Variants in SCN4A observed in about 807,000 individuals in gnomAD.
The protein encoded by SCN4A is sodium voltage-gated channel alpha subunit 4.
Under a neutral mutation model 162.0 loss-of-function variants are expected in SCN4A, and 83 were observed. The observed-to-expected ratio is 0.51, with a 90% CI of 0.43 to 0.61. The LOEUF is 0.61. SCN4A is among the 20% of genes least tolerant of loss of function. The pLI, the probability that SCN4A is intolerant of heterozygous loss-of-function variation, is 0.00. For synonymous variants in SCN4A, 944 were observed against 985.1 expected, an observed-to-expected ratio of 0.96 and a Z score of 0.78; for missense variants, 2,196 against 2,462.5, an observed-to-expected ratio of 0.89 and a Z score of 2.29.
At chr17:63,946,635 G>C (rs1468321680) in intron 18 of SCN4A, among the ~76,000 whole-genome samples, 1 of 152,082 alleles carries the variant, frequency 6.6e-6, no homozygotes, top group Non-Finnish European at 1.5e-5. Context: ...CAGGCACCTT[G>C]TTTCAAAGCC....
intron 8 of SCN4A, 49 bp downstream of exon 8, chr17:63,966,053 G>T: frequency 7.0e-7 from 1 of 1,434,680 alleles, no homozygotes; most frequent in Non-Finnish European, 9.6e-7. Flanking sequence ...CTGCAGGGAT[G>T]GAGGGGGAGT....
intron 13 of SCN4A, among the ~76,000 whole-genome samples, chr17:63,953,689 A>G (rs1296384891): frequency 6.6e-6 from 1 of 151,780 alleles, no homozygotes; most frequent in East Asian, 1.9e-4. Flanking sequence ...CTTGAAGAAA[A>G]AAAAAAAAAG....
At position 63,940,988 on chromosome 17, in the gene SCN4A, G is replaced by T. The variant is rs748434431; in HGVS notation, c.5294C>A (p.Ala1765Asp). The part of the protein sequence containing the change: ...RHSHDGSGDD[A>D]PEKEGLLANT... The stretch of plus-strand genomic sequence containing the variant: ...GGCAAGCAGCCCCTCCTTCTCAGGG[G>T]CGTCATCCCCGCTGCCGTCGTGGCT... Residue 1765 changes from alanine (A) to aspartate (D), a missense_variant, in exon 24 of 24, where the codon GCC becomes GAC. By Grantham distance (126) the Ala-to-Asp change is moderately radical. Coordinates refer to ENST00000435607, the MANE Select transcript of SCN4A (RefSeq NM_000334.4). 1.2e-6 allele frequency: 2 copies of T among 1,613,222 alleles called. No homozygotes were observed. The highest frequency in any genetic ancestry group is 1.7e-6 in the Non-Finnish European group (2 of 1,179,210).
At chr17:63,954,088 G>A (rs763363437) in intron 13 of SCN4A, among the ~76,000 whole-genome samples, 1 of 152,140 alleles carries the variant, frequency 6.6e-6, no homozygotes, top group Non-Finnish European at 1.5e-5. Context: ...ATGGGGAATT[G>A]GGGAGCCTGC....
At position 63,959,242 on chromosome 17, in the gene SCN4A, C is replaced by A. The variant is rs1453380275; in HGVS notation, c.2019+23G>T. 3 of 1,597,954 alleles carry A rather than the reference C, an allele frequency of 1.9e-6. No individual in the cohort carries two copies. In the African/African-American group the frequency reaches 4.0e-5, roughly 21 times the overall value. On this transcript the variant is annotated intron_variant, in intron 12 of 23. Coordinates refer to ENST00000435607, the MANE Select transcript of SCN4A (RefSeq NM_000334.4). ...CCTCACCCCACCCCCATCCCAGCCC[C>A]TGGCCCTGGGGCTTTTGTGTACCAG...
Position 63,951,976 on chromosome 17 carries a change from G to T in SCN4A, c.2377-76C>A, listed in dbSNP as rs894447305. On this transcript the variant is annotated intron_variant, in intron 13 of 23. Coordinates refer to ENST00000435607, the MANE Select transcript of SCN4A (RefSeq NM_000334.4). The surrounding 1 kb of genome is among the most constrained non-coding windows in gnomAD (Gnocchi z 4.5). ...GGTGCCACCTTCAGCCAGCACAGGG[G>T]TCCTCGGTCTACAGATCCAAACTAC... 20 of 867,246 alleles carry T rather than the reference G, an allele frequency of 2.3e-5. No individual in the cohort carries two copies. In the African/African-American group the frequency reaches 3.2e-4, roughly 14 times the overall value. 53.7% of individuals were successfully genotyped at this position (867,246 alleles called of 1,614,324 possible). A position where few individuals can be genotyped will look rare whatever the true frequency, so the allele number is the denominator to read the frequency against.
chr17:63,942,116 C>G lies in SCN4A; in HGVS notation c.4289-123G>C. 4 of 944,490 alleles carry G rather than the reference C, an allele frequency of 4.2e-6. No homozygotes were observed. The South Asian group carries it at 7.6e-5, about 18-fold the overall frequency. 58.5% of individuals were successfully genotyped at this position (944,490 alleles called of 1,614,324 possible). A position where few individuals can be genotyped will look rare whatever the true frequency, so the allele number is the denominator to read the frequency against. ...TCTGCTCAAGTCTCAGAGCACAGCC[C>G]AGATGACTGACAGGTGAGGCTGGGC... On this transcript the variant is annotated intron_variant, in intron 23 of 23. Transcript: ENST00000435607.
chr17:63,940,909 G>T lies in SCN4A; in HGVS notation c.5373C>A (p.Ser1791Arg). Residue 1791 changes from serine to arginine, a missense_variant, in exon 24 of 24, where the codon AGC (serine) becomes AGA (arginine). Physicochemically the swap from Ser to Arg is moderately radical, Grantham distance 110. Transcript: ENST00000435607. ...CCCCTGCCTCGCCCTTCTCCTCCGG[G>T]CTTGGCGAGCTGCTGTTCCCATTCT... ...GHENGNSSSP[S>R]PEEKGEAGDA... 1 of 1,613,958 alleles carries T rather than the reference G, an allele frequency of 6.2e-7. No individual in the cohort carries two copies. The highest frequency in any genetic ancestry group is 8.5e-7 in the Non-Finnish European group (1 of 1,179,876).
At position 63,940,488 on chromosome 17, in the gene SCN4A, G is replaced by A. The variant is rs746604717; in HGVS notation, c.*283C>T. ...CCTCCCCCAGGCCAAAAGGAGGGGCGACAGGGCCCAGAGGAGGTCAGAGCA... is the reference window on the plus strand; with the variant it reads ...CCTCCCCCAGGCCAAAAGGAGGGGCAACAGGGCCCAGAGGAGGTCAGAGCA... On this transcript the variant is annotated 3_prime_UTR_variant, in exon 24 of 24. Transcript: ENST00000435607. The A allele has an allele frequency of 7.4e-6, 3 of 404,732 alleles. No individual in the cohort carries two copies. The highest frequency in any genetic ancestry group is 8.4e-5 in the South Asian group (1 of 11,972). 25.1% of individuals were successfully genotyped at this position (404,732 alleles called of 1,614,324 possible).
chr17:63,972,058 C>T lies in SCN4A; in HGVS notation c.482+78G>A, dbSNP rs1909626962. Reference sequence around the variant, plus strand: ...AGTGTGTCTCCCTGAAAGACAAGAGCAGCACCACACAGAGGTGCAAACACC... The same window carrying T: ...AGTGTGTCTCCCTGAAAGACAAGAGTAGCACCACACAGAGGTGCAAACACC... On this transcript the variant is annotated intron_variant, in intron 3 of 23. Coordinates refer to ENST00000435607, the MANE Select transcript of SCN4A (RefSeq NM_000334.4). This position sits in a 1 kb window ranked among gnomAD's most constrained non-coding sequence, Gnocchi z 4.3. 2 of 1,181,192 alleles carry T rather than the reference C, an allele frequency of 1.7e-6. No individual in the cohort carries two copies. The highest frequency in any genetic ancestry group is 1.5e-5 in the African/African-American group (1 of 66,280). 73.2% of individuals were successfully genotyped at this position (1,181,192 alleles called of 1,614,324 possible). A position where few individuals can be genotyped will look rare whatever the true frequency, so the allele number is the denominator to read the frequency against.
chr17:63,951,595 C>G lies in SCN4A; in HGVS notation c.2682G>C (p.Leu894=). 6.2e-7 allele frequency: 1 copy of G among 1,613,964 alleles called. No homozygotes were observed. Among genetic ancestry groups the G allele is most frequent in the Non-Finnish European group, 8.5e-7 (1 of 1,179,864 alleles). ...GGCCGTCAGCCAGGCCCATGTGGTT[C>G]AGGATGTGATTGTCCTTCTTCAGGT... The part of the protein sequence containing the change: ...EEDLKKDNHI[L]NHMGLADGPP... The change falls in exon 14 of 24, where the codon CTG becomes CTC. Residue 894 remains leucine (L), a synonymous_variant. Transcript: ENST00000435607. The surrounding 1 kb of genome is among the most constrained non-coding windows in gnomAD (Gnocchi z 4.5).
chr17:63,953,593 A>G (rs1223310320), intron 13 of SCN4A, among the ~76,000 whole-genome samples: 1 of 151,726 alleles, frequency 6.6e-6, no homozygotes, highest in Admixed American at 6.6e-5. Flanking sequence ...AGGCAGGAGA[A>G]TCACTTGAAC....
At position 63,972,311 on chromosome 17, in the gene SCN4A, A is replaced by T. The variant is rs1480953102; in HGVS notation, c.392+41T>A. 1 of 1,598,364 alleles carries T rather than the reference A, an allele frequency of 6.3e-7. No individual in the cohort carries two copies. The highest frequency in any genetic ancestry group is 1.3e-5 in the African/African-American group (1 of 74,660). On this transcript the variant is annotated intron_variant, in intron 2 of 23. Coordinates refer to ENST00000435607, the MANE Select transcript of SCN4A (RefSeq NM_000334.4). The surrounding 1 kb of genome is among the most constrained non-coding windows in gnomAD (Gnocchi z 4.3). ...TGGGCCACAGCACCCCATCTCGCCC[A>T]TCCCTAACCCCTCCCGCCTCTCCCA...
Position 63,961,305 on chromosome 17 carries a change from G to C in SCN4A, c.1733C>G (p.Pro578Arg), listed in dbSNP as rs1370498653. The C allele has an allele frequency of 6.2e-7, 1 of 1,613,674 alleles. No individual in the cohort carries two copies. Among genetic ancestry groups the C allele is most frequent in the Admixed American group, 1.7e-5 (1 of 60,000 alleles). The change falls in exon 11 of 24, where the codon CCG becomes CGG. Residue 578 changes from proline to arginine, a missense_variant. By Grantham distance (103) the Pro-to-Arg change is moderately radical. Coordinates refer to ENST00000435607, the MANE Select transcript of SCN4A (RefSeq NM_000334.4). ...KNIIHLIVMDPFVDLGITICI... is the reference protein window; with the variant it reads ...KNIIHLIVMDRFVDLGITICI... ...GATGGTGATGCCCAGGTCCACGAAC[G>C]GGTCCATGACGATCAGGTGGATGAT... is the stretch of plus-strand genomic sequence containing the variant.
In SCN4A at chr17:63,950,966, C is replaced by G. The variant is rs959407873; in HGVS notation, c.2853+458G>C. Among the ~76,000 whole-genome samples the G allele has an allele frequency of 6.6e-6, 1 of 152,228 alleles. No homozygotes were observed. The highest frequency in any genetic ancestry group is 2.4e-5 in the African/African-American group (1 of 41,454). ...TGCCTGGATCTGGCACTTTGGCCCA[C>G]ACTGGGAGGTTGGGAGCAGACCCAG... On this transcript the variant is annotated intron_variant, in intron 14 of 23. Coordinates refer to ENST00000435607, the MANE Select transcript of SCN4A (RefSeq NM_000334.4). The surrounding 1 kb of genome is among the most constrained non-coding windows in gnomAD (Gnocchi z 4.6).
chr17:63,956,698 G>GT (rs1484613830), intron 13 of SCN4A, among the ~76,000 whole-genome samples: 2 of 152,236 alleles, frequency 1.3e-5, no homozygotes, highest in Admixed American at 1.3e-4. Context: ...TTTCTTCTAT[G>GT]TGAGGGTTAG....
In SCN4A at chr17:63,951,360, G is replaced by T; in HGVS notation, c.2853+64C>A. The T allele has an allele frequency of 8.6e-7, 1 of 1,162,114 alleles. No homozygotes were observed. 72.0% of individuals were successfully genotyped at this position (1,162,114 alleles called of 1,614,324 possible). ...GAAACTGAGGCTCAGAGAGGACTTA[G>T]GGCTTGCTCCAGGTCACAGGAGAAT... On this transcript the variant is annotated intron_variant, in intron 14 of 23. Transcript: ENST00000435607. This position sits in a 1 kb window ranked among gnomAD's most constrained non-coding sequence, Gnocchi z 4.5.
At position 63,941,874 on chromosome 17, in the gene SCN4A, T is replaced by G; in HGVS notation, c.4408A>C (p.Thr1470Pro). Residue 1470 changes from threonine to proline, a missense_variant, in exon 24 of 24, where the codon ACG (threonine) becomes CCG (proline). Transcript: ENST00000435607. This position sits in a 1 kb window ranked among gnomAD's most constrained non-coding sequence, Gnocchi z 6.2. The stretch of plus-strand genomic sequence containing the variant: ...GACATCATGAGGGCGAACAGCAGCG[T>G]CCGGATGCCCTTGGCCCCGCGGATC... ...RLIRGAKGIR[T>P]LLFALMMSLP... 1 of 1,613,866 alleles carries G rather than the reference T, an allele frequency of 6.2e-7. No individual in the cohort carries two copies. Among genetic ancestry groups the G allele is most frequent in the South Asian group, 1.1e-5 (1 of 91,086 alleles).
At chr17:63,970,746 G>A (rs1260877184) in intron 5 of SCN4A, among the ~76,000 whole-genome samples, 1 of 151,968 alleles carries the variant, frequency 6.6e-6, no homozygotes, top group Non-Finnish European at 1.5e-5. Flanking sequence ...TGATTCTCCT[G>A]CCTCAGCCTC....
Sources: allele counts gnomAD v4.1 joint callset (sites outside exome capture counted in the v4.1 genomes callset), GRCh38; gene constraint gnomAD v4.1.1; non-coding constraint Gnocchi (gnomAD v3.1); transcripts MANE v1.5; gene names NCBI Gene and HGNC (gene_info 2026-07-23, HGNC 2026-07-21).